Variants in PCDHGA3 observed in about 807,000 individuals in gnomAD.
The protein encoded by PCDHGA3 is protocadherin gamma-A3.
Under a neutral mutation model 58.5 loss-of-function variants are expected in PCDHGA3, and 40 were observed. The ratio of observed to expected loss-of-function variants is 0.68; its 90% CI spans 0.53 to 0.89. The LOEUF (loss-of-function observed/expected upper bound fraction) is 0.89, where lower values mean the gene tolerates loss of function less well. Among genes scored for constraint, PCDHGA3 ranks in the 40% least tolerant of loss-of-function variants. The pLI is 0.00. For missense variants in PCDHGA3, 1,223 were observed against 1,195.9 expected, an observed-to-expected ratio of 1.02 and a Z score of -0.33; for synonymous variants, 530 against 525.7, an observed-to-expected ratio of 1.01 and a Z score of -0.11.
chr5:141,345,729 G>C lies in PCDHGA3; in HGVS notation c.1696G>C (p.Ala566Pro). 1.2e-6 allele frequency: 2 copies of C among 1,614,194 alleles called. No homozygotes were observed. The highest frequency in any genetic ancestry group is 1.7e-6 in the Non-Finnish European group (2 of 1,180,028). Residue 566 changes from alanine to proline, a missense_variant, in exon 1 of 4, where the codon GCC (alanine) becomes CCC (proline). Ala to Pro is a conservative substitution (Grantham distance 27). This residue lies in a region of PCDHGA3 where 791 missense variants were observed against 708.5 expected (regional missense o/e 1.12). Coordinates refer to ENST00000253812, the MANE Select transcript of PCDHGA3 (RefSeq NM_018916.4). ...NDNAPEILYP[A>P]LPTDGSTGVE... is the part of the protein sequence containing the mutation. ...CAACGCGCCCGAGATCCTGTACCCC[G>C]CCCTCCCCACAGACGGTTCCACTGG...
intron 1 of PCDHGA3, among the ~76,000 whole-genome samples, chr5:141,359,061 T>C (rs913516585): frequency 2.0e-5 from 3 of 152,238 alleles, no homozygotes; most frequent in Non-Finnish European, 4.4e-5. Flanking sequence ...ATGCCTCAAT[T>C]TGACTTACAA....
intron 1 of PCDHGA3, chr5:141,405,463 A>C: frequency 8.5e-7 from 1 of 1,181,354 alleles, no homozygotes. Flanking sequence ...TCTGTTACCC[A>C]GGCTGGAATG....
At position 141,431,213 on chromosome 5, in the gene PCDHGA3, T is replaced by A; in HGVS notation, c.2425-63594T>A. 6.2e-7 allele frequency: 1 copy of A among 1,614,142 alleles called. No individual in the cohort carries two copies. The highest frequency in any genetic ancestry group is 8.5e-7 in the Non-Finnish European group (1 of 1,180,038). On this transcript the variant is annotated intron_variant, in intron 1 of 3. Coordinates refer to ENST00000253812, the MANE Select transcript of PCDHGA3 (RefSeq NM_018916.4). The surrounding 1 kb of genome is among the most constrained non-coding windows in gnomAD (Gnocchi z 4.8). ...TGAAAATGCAGCCACTGAGATGCGG[T>A]TCCCTCTACCCCACGCCTGGGATCC...
rs1168771567 is a variant in PCDHGA3 at position 141,398,057 on chromosome 5, A to T, written c.2424+51600A>T. On this transcript the variant is annotated intron_variant, in intron 1 of 3. Coordinates refer to ENST00000253812, the MANE Select transcript of PCDHGA3 (RefSeq NM_018916.4). ...CTAAAGCCCGTTCGGAGATCCAAAAATCTACAATACAGAGGTTATTTGTAA... is the reference window on the plus strand; with the variant it reads ...CTAAAGCCCGTTCGGAGATCCAAAATTCTACAATACAGAGGTTATTTGTAA... 9 of 1,524,504 alleles carry T rather than the reference A, an allele frequency of 5.9e-6. No individual in the cohort carries two copies. In the South Asian group the frequency reaches 1.1e-4, roughly 19 times the overall value. 94.4% of individuals were successfully genotyped at this position (1,524,504 alleles called of 1,614,324 possible). A position where few individuals can be genotyped will look rare whatever the true frequency, so the allele number is the denominator to read the frequency against.
At chr5:141,410,961 C>T (rs2095452770) in intron 1 of PCDHGA3, 1 of 178,096 alleles carries the variant, frequency 5.6e-6, no homozygotes, top group African/African-American at 2.5e-5. Flanking sequence ...TCAAGCGATT[C>T]TCCTGCCTCA....
chr5:141,473,665 T>C (rs1054239218), intron 1 of PCDHGA3, among the ~76,000 whole-genome samples: 1 of 152,142 alleles, frequency 6.6e-6, no homozygotes, highest in Non-Finnish European at 1.5e-5. Context: ...GTGAAGGCCC[T>C]GAGACAGGGA....
chr5:141,400,491 T>A, intron 1 of PCDHGA3: 1 of 1,614,080 alleles, frequency 6.2e-7, no homozygotes, highest in Non-Finnish European at 8.5e-7. Flanking sequence ...TTCCACTTTG[T>A]AATTCCAGCG....
intron 1 of PCDHGA3, chr5:141,422,796 T>C: frequency 6.2e-7 from 1 of 1,614,234 alleles, no homozygotes; most frequent in Middle Eastern, 1.6e-4. Flanking sequence ...CCTTCGACTA[T>C]GAGCAGTTTC....
intron 1 of PCDHGA3, among the ~76,000 whole-genome samples, chr5:141,430,366 A>G (rs551419486): frequency 3.3e-5 from 5 of 150,370 alleles, no homozygotes; most frequent in Admixed American, 6.7e-5. Context: ...CTCATTGGGG[A>G]AAAAAAAGCT....
At chr5:141,413,855 C>G (rs2095686270) in intron 1 of PCDHGA3, 1 of 1,613,206 alleles carries the variant, frequency 6.2e-7, no homozygotes, top group African/African-American at 1.3e-5. Flanking sequence ...CCTCTCCGAT[C>G]TGGCACTGTC....
intron 1 of PCDHGA3, chr5:141,433,160 A>G: frequency 1.9e-6 from 3 of 1,613,848 alleles, no homozygotes; most frequent in Middle Eastern, 1.7e-4. Context: ...GGTATTTTCT[A>G]AAGACAGTCA....
intron 1 of PCDHGA3, chr5:141,371,077 T>G (rs1169560992): frequency 8.1e-6 from 13 of 1,613,784 alleles, no homozygotes; most frequent in Admixed American, 1.7e-5. Context: ...ACCACCCAGA[T>G]CAGGGTAATT....
At chr5:141,496,948 G>A (rs2099772844) in intron 2 of PCDHGA3, among the ~76,000 whole-genome samples, 1 of 151,826 alleles carries the variant, frequency 6.6e-6, no homozygotes, top group Admixed American at 6.6e-5. Context: ...CACTTTGGGA[G>A]GCCAAGGTGG....
At chr5:141,421,436 G>C (rs373015809) in intron 1 of PCDHGA3, 6 of 1,613,994 alleles carry the variant, frequency 3.7e-6, no homozygotes, top group African/African-American at 2.7e-5. Context: ...ATCGTCTCCA[G>C]AGGGAAGACA....
chr5:141,432,093 C>A lies in PCDHGA3; in HGVS notation c.2425-62714C>A. The A allele has an allele frequency of 1.2e-6, 2 of 1,614,170 alleles. No homozygotes were observed. Among genetic ancestry groups the A allele is most frequent in the Non-Finnish European group, 1.7e-6 (2 of 1,180,046 alleles). On this transcript the variant is annotated intron_variant, in intron 1 of 3. Coordinates refer to ENST00000253812, the MANE Select transcript of PCDHGA3 (RefSeq NM_018916.4). The surrounding 1 kb of genome is among the most constrained non-coding windows in gnomAD (Gnocchi z 6.0). ...CATATCTCGCTGAACGTGGCAGACA[C>A]CAACGACAACCCGCCGGTCTTCCCT...
chr5:141,433,168 T>A, intron 1 of PCDHGA3: 6 of 1,613,438 alleles, frequency 3.7e-6, no homozygotes, highest in Non-Finnish European at 3.4e-6. Context: ...CTAAAGACAG[T>A]CATGGGTTAA....
intron 1 of PCDHGA3, chr5:141,372,747 G>T (rs749618566): frequency 1.6e-5 from 26 of 1,613,300 alleles, no homozygotes; most frequent in Admixed American, 1.7e-5. Context: ...ATGTGATGAA[G>T]CCTCTTGGTT....
rs754433753 is a variant in PCDHGA3 at position 141,399,914 on chromosome 5, A to G, written c.2424+53457A>G. On this transcript the variant is annotated intron_variant, in intron 1 of 3. Transcript: ENST00000253812. ...GTGGCCGTGGACGCAGACTCAGGACACAACGCCTGGCTGTCCTACCACGTG... is the reference window on the plus strand; with the variant it reads ...GTGGCCGTGGACGCAGACTCAGGACGCAACGCCTGGCTGTCCTACCACGTG... The G allele has an allele frequency of 2.7e-5, 44 of 1,612,236 alleles. No homozygotes were observed. In the Admixed American group the frequency reaches 7.3e-4, roughly 27 times the overall value.
chr5:141,389,784 G>C (rs1380763543), intron 1 of PCDHGA3: 2 of 1,613,318 alleles, frequency 1.2e-6, no homozygotes, highest in South Asian at 2.2e-5. Flanking sequence ...AGGCGACAGG[G>C]ACGCCGTCCG....
Sources: allele counts gnomAD v4.1 joint callset (sites outside exome capture counted in the v4.1 genomes callset), GRCh38; gene constraint gnomAD v4.1.1; regional missense constraint gnomAD v4.1.1; non-coding constraint Gnocchi (gnomAD v3.1); transcripts MANE v1.5; gene names NCBI Gene and HGNC (gene_info 2026-07-23, HGNC 2026-07-21).